The following DLG2 variants were observed in gnomAD, a reference collection of about 807,000 sequenced individuals.
DLG2 encodes discs large MAGUK scaffold protein 2.
A neutral mutation model predicts 132.5 loss-of-function variants in DLG2; 45 were observed. The ratio of observed to expected loss-of-function variants is 0.34; its 90% confidence interval spans 0.27 to 0.44. The LOEUF (loss-of-function observed/expected upper bound fraction) is 0.44, where lower values mean the gene tolerates loss of function less well. Among genes scored for constraint, DLG2 ranks in the 20% least tolerant of loss-of-function variants. DLG2 has a pLI of 1.00. For synonymous variants in DLG2, 424 were observed against 419.6 expected (o/e 1.01, Z -0.13); for missense variants, 1,045 against 1,196.9 (o/e 0.87, Z 1.87).
intron 2 of DLG2, among the ~76,000 whole-genome samples, chr11:85,619,620 G>T (rs1428253203): frequency 6.6e-6 from 1 of 152,058 alleles, no homozygotes; most frequent in East Asian, 1.9e-4. Flanking sequence ...AATCACCTGA[G>T]GTCAGGAGTT....
At chr11:85,258,195 CT>C (rs2152708811) in intron 4 of DLG2, among the ~76,000 whole-genome samples, 1 of 152,292 alleles carries the variant, frequency 6.6e-6, no homozygotes, top group Admixed American at 6.5e-5. Flanking sequence ...ATACCCAAAA[CT>C]TTTCCTGCTG....
At chr11:84,050,759 A>G (rs2096357473) in intron 11 of DLG2, among the ~76,000 whole-genome samples, 1 of 152,090 alleles carries the variant, frequency 6.6e-6, no homozygotes, top group Non-Finnish European at 1.5e-5. Context: ...TCCCAGCACC[A>G]TTTATTAAAT....
chr11:85,516,910 C>T (rs1281882138), intron 3 of DLG2, among the ~76,000 whole-genome samples: 1 of 151,940 alleles, frequency 6.6e-6, no homozygotes, highest in Non-Finnish European at 1.5e-5. Context: ...GAAATCCTCC[C>T]TAACTCATCC....
At chr11:83,685,810 CA>C (rs1269076761) in intron 18 of DLG2, among the ~76,000 whole-genome samples, 1 of 152,008 alleles carries the variant, frequency 6.6e-6, no homozygotes, top group Non-Finnish European at 1.5e-5. Flanking sequence ...TTAAAATGCT[CA>C]AAACTAAACT....
intron 7 of DLG2, among the ~76,000 whole-genome samples, chr11:84,274,726 AT>A (rs1362882222): frequency 6.6e-6 from 1 of 152,176 alleles, no homozygotes; most frequent in Non-Finnish European, 1.5e-5. Context: ...TAATTTGTAA[AT>A]TTTACCTAAT....
At chr11:84,555,776 C>A (rs1016829140) in intron 6 of DLG2, among the ~76,000 whole-genome samples, 5 of 152,182 alleles carry the variant, frequency 3.3e-5, no homozygotes, top group Admixed American at 2.6e-4. Flanking sequence ...CTGAACTGTA[C>A]AGTTTAAAAT....
chr11:83,811,600 A>C (rs998683127), intron 17 of DLG2, among the ~76,000 whole-genome samples: 5 of 152,166 alleles, frequency 3.3e-5, no homozygotes, highest in African/African-American at 1.2e-4. Flanking sequence ...GATTAAGAAA[A>C]ATAATGTTAA....
chr11:84,313,088 C>A (rs1177405158), intron 7 of DLG2, among the ~76,000 whole-genome samples: 1 of 152,092 alleles, frequency 6.6e-6, no homozygotes, highest in Non-Finnish European at 1.5e-5. Flanking sequence ...GGATTACAGG[C>A]GTGAGTCACT....
chr11:84,963,875 T>C (rs2052948757), intron 6 of DLG2, among the ~76,000 whole-genome samples: 1 of 152,170 alleles, frequency 6.6e-6, no homozygotes, highest in Non-Finnish European at 1.5e-5. Flanking sequence ...TCCTTGACTT[T>C]ACACAGGGGA....
At chr11:85,549,168 G>A (rs1031460936) in intron 3 of DLG2, among the ~76,000 whole-genome samples, 16 of 152,176 alleles carry the variant, frequency 1.1e-4, no homozygotes, top group Admixed American at 2.6e-4. Context: ...AAGACCATGG[G>A]AAAAGCATAG....
intron 6 of DLG2, among the ~76,000 whole-genome samples, chr11:84,938,271 C>A (rs1057328740): frequency 6.6e-6 from 1 of 151,888 alleles, no homozygotes; most frequent in African/African-American, 2.4e-5. Flanking sequence ...AGATACCCAA[C>A]AAAAATCAAT....
chr11:83,459,523 G>A lies in DLG2; in HGVS notation c.*295C>T, dbSNP rs1273370253. 1 of 237,824 alleles carries A rather than the reference G, an allele frequency of 4.2e-6. No individual in the cohort carries two copies. Among genetic ancestry groups the A allele is most frequent in the African/African-American group, 2.2e-5 (1 of 44,650 alleles). The allele number at this position is 237,824 out of a possible 1,614,324, so 14.7% of individuals were successfully genotyped here. ...ATCAGCTCTGGACATCTGCTGGGGT[G>A]AGGAGGCTCTCATCTCATCTCTTGG... On this transcript the variant is annotated 3_prime_UTR_variant, in exon 28 of 28. Transcript: ENST00000376104.
chr11:84,018,337 A>T (rs1294770003), intron 11 of DLG2, among the ~76,000 whole-genome samples: 1 of 152,038 alleles, frequency 6.6e-6, no homozygotes, highest in Non-Finnish European at 1.5e-5. Context: ...GTACCTTTCA[A>T]GATGACAAGG....
chr11:85,004,464 T>C (rs576492085), intron 6 of DLG2, among the ~76,000 whole-genome samples: 3 of 152,338 alleles, frequency 2.0e-5, no homozygotes, highest in South Asian at 2.1e-4. Context: ...ATTTCTCTAA[T>C]GGCCAGTGAT....
intron 4 of DLG2, among the ~76,000 whole-genome samples, chr11:85,195,536 T>C (rs913018709): frequency 1.3e-5 from 2 of 151,298 alleles, no homozygotes; most frequent in African/African-American, 4.9e-5. Flanking sequence ...TTTTTTTTTT[T>C]TTTTTGAGAC....
At chr11:84,381,117 A>G (rs1018620830) in intron 7 of DLG2, among the ~76,000 whole-genome samples, 4 of 152,080 alleles carry the variant, frequency 2.6e-5, no homozygotes. Flanking sequence ...TCTCTACCAA[A>G]TTTGAAAATT....
At chr11:83,905,604 A>C (rs1315634344) in intron 15 of DLG2, among the ~76,000 whole-genome samples, 5 of 152,214 alleles carry the variant, frequency 3.3e-5, no homozygotes, top group Non-Finnish European at 7.3e-5. Context: ...GTGAATAAGC[A>C]GACATGTTTA....
intron 19 of DLG2, among the ~76,000 whole-genome samples, chr11:83,612,848 TAGGG>T (rs1165962050): frequency 1.3e-5 from 2 of 152,162 alleles, no homozygotes; most frequent in African/African-American, 4.8e-5. Flanking sequence ...CCAGGGCTTT[TAGGG>T]GAAGCAGCAG....
intron 10 of DLG2, among the ~76,000 whole-genome samples, chr11:84,088,723 G>A (rs1380094159): frequency 6.6e-6 from 1 of 152,158 alleles, no homozygotes; most frequent in Non-Finnish European, 1.5e-5. Context: ...AAAAGAGAGG[G>A]TTGTTACCCT....
Sources: gnomAD v4.1 joint callset for allele counts (sites outside exome capture counted in the v4.1 genomes callset) on GRCh38, gnomAD v4.1.1 for gene constraint, MANE v1.5 for transcripts, NCBI Gene and HGNC (gene_info 2026-07-23, HGNC 2026-07-21) for gene names.